CHODL: variants seen among roughly 807,000 people sequenced by gnomAD.
CHODL encodes the protein chondrolectin.
In CHODL, 29 loss-of-function variants were observed where a neutral mutation model predicts 34.5. The observed-to-expected ratio is 0.84, with a 90% CI of 0.63 to 1.15. CHODL has a LOEUF of 1.15. Ranked by LOEUF, CHODL falls within the 50% of genes most tolerant of loss-of-function variation. The probability of loss-of-function intolerance (pLI) is 0.00; values close to 1 mark genes in which losing one functional copy is unlikely to be tolerated. For missense variants in CHODL, 332 were observed against 332.5 expected (o/e 1.00, Z 0.01); for synonymous variants, 125 against 116.1 (o/e 1.08, Z -0.49).
chr21:17,965,312 A>G (rs1010636878), intron 1 of CHODL, among the ~76,000 whole-genome samples: 2 of 152,126 alleles, frequency 1.3e-5, no homozygotes, highest in Admixed American at 1.3e-4. Context: ...ATTAGTTATA[A>G]ATTCAAAATT....
rs189916566 is a variant in CHODL at position 18,091,323 on chromosome 21, G to T, written c.-45+63352G>T. 1.5e-3 allele frequency among the ~76,000 whole-genome samples: 222 copies of T among 152,312 alleles called. 1 individual carries two copies. The highest frequency in any genetic ancestry group is 3.4e-4 in the Non-Finnish European group (23 of 68,022). ...CAATGACTAGGCAACTCAGTGCTAG[G>T]CTGGGCTTAGAGCCAGTGAACTAAG... On this transcript the variant is annotated intron_variant, in intron 2 of 6. Transcript: ENST00000400127.
At chr21:18,143,628 C>T (rs954603298) in intron 2 of CHODL, among the ~76,000 whole-genome samples, 27 of 152,078 alleles carry the variant, frequency 1.8e-4, no homozygotes, top group East Asian at 5.8e-4. Flanking sequence ...ATCTATAAGA[C>T]GGGAGAGTAA....
At chr21:18,069,230 A>C (rs1236116957) in intron 2 of CHODL, among the ~76,000 whole-genome samples, 1 of 152,190 alleles carries the variant, frequency 6.6e-6, no homozygotes, top group Non-Finnish European at 1.5e-5. Context: ...CCTTCTGAGC[A>C]ATGTTGAATA....
At position 17,942,843 on chromosome 21, in the gene CHODL, G is replaced by T. The variant is rs539847306; in HGVS notation, c.-145+25443G>T. ...ATTCCCAGTGTTAGAGGAGGGACCC[G>T]GTAGAAGGTGATTGGATCATGGGGG... On this transcript the variant is annotated intron_variant, in intron 1 of 6. Coordinates refer to the CHODL transcript ENST00000400127. Among the ~76,000 whole-genome samples the T allele has an allele frequency of 8.2e-4, 124 of 152,074 alleles. 1 individual carries two copies. The highest frequency in any genetic ancestry group is 2.9e-3 in the African/African-American group (121 of 41,480).
chr21:17,932,302 A>T (rs138636609), intron 1 of CHODL, among the ~76,000 whole-genome samples: 4 of 152,196 alleles, frequency 2.6e-5, no homozygotes, highest in Non-Finnish European at 5.9e-5. Flanking sequence ...AAACTGAAAA[A>T]CAGCAGATGT....
Position 17,982,885 on chromosome 21 carries a change from C to T in CHODL, c.-144-44987C>T, listed in dbSNP as rs529665529. ...ACCACCCACTCCCTCCAACCCCCCC[C>T]AGCTAATTTTTGTATTTTTAGTAGA... is the stretch of plus-strand genomic sequence containing the variant. On this transcript the variant is annotated intron_variant, in intron 1 of 6. Transcript: ENST00000400127. 1.1e-4 allele frequency among the ~76,000 whole-genome samples: 16 copies of T among 151,566 alleles called. 1 individual carries two copies. In the East Asian group the frequency reaches 2.1e-3, roughly 20 times the overall value.
intron 2 of CHODL, among the ~76,000 whole-genome samples, chr21:18,228,661 A>T (rs915624877): frequency 6.6e-6 from 1 of 152,166 alleles, no homozygotes; most frequent in Non-Finnish European, 1.5e-5. Flanking sequence ...TGTACATCCC[A>T]AAACTCTATT....
chr21:18,152,672 T>C (rs911220757), intron 2 of CHODL, among the ~76,000 whole-genome samples: 1 of 152,190 alleles, frequency 6.6e-6, no homozygotes, highest in African/African-American at 2.4e-5. Context: ...CCAACTCCAG[T>C]TTGCTAAGAT....
intron 1 of CHODL, among the ~76,000 whole-genome samples, chr21:17,979,349 A>G (rs1300629298): frequency 6.6e-6 from 1 of 152,116 alleles, no homozygotes; most frequent in Admixed American, 6.5e-5. Flanking sequence ...ATAATTGTTT[A>G]TCTGTTTTGT....
chr21:17,944,641 T>C (rs1444331524), intron 1 of CHODL, among the ~76,000 whole-genome samples: 2 of 152,182 alleles, frequency 1.3e-5, no homozygotes, highest in African/African-American at 4.8e-5. Context: ...GGGGTATATC[T>C]TGTGGCCAGC....
At chr21:18,106,646 C>G (rs979333574) in intron 2 of CHODL, among the ~76,000 whole-genome samples, 1 of 151,986 alleles carries the variant, frequency 6.6e-6, no homozygotes, top group Non-Finnish European at 1.5e-5. Context: ...AGTTGCCCAC[C>G]ACCACACCTG....
intron 1 of CHODL, among the ~76,000 whole-genome samples, chr21:18,005,287 A>T (rs1358121062): frequency 6.6e-6 from 1 of 152,260 alleles, no homozygotes; most frequent in East Asian, 1.9e-4. Context: ...ATAATTCATA[A>T]GGCTGTTACA....
chr21:18,171,736 G>GTTTTTTTTTTTTTTTTTTTTTTTTTTTT (rs71189587), intron 2 of CHODL, among the ~76,000 whole-genome samples: 1 of 146,498 alleles, frequency 6.8e-6, no homozygotes. Context: ...ATTCTCTTCA[G>GTTTTTTTTTTTTTTTTTTTTTTTTTTTT]TTTTTTTTTT....
At chr21:18,076,621 A>G (rs2064869804) in intron 2 of CHODL, among the ~76,000 whole-genome samples, 1 of 152,220 alleles carries the variant, frequency 6.6e-6, no homozygotes, top group South Asian at 2.1e-4. Context: ...GGGAGAGAAC[A>G]CAAAGGATGT....
chr21:18,194,873 G>A (rs2073564062), intron 2 of CHODL, among the ~76,000 whole-genome samples: 1 of 151,566 alleles, frequency 6.6e-6, no homozygotes, highest in African/African-American at 2.4e-5. Context: ...ACAGCATGTT[G>A]TTTTGAAGTA....
At chr21:17,982,883 C>A (rs182940131) in intron 1 of CHODL, among the ~76,000 whole-genome samples, 4 of 151,616 alleles carry the variant, frequency 2.6e-5, no homozygotes, top group East Asian at 3.9e-4. Flanking sequence ...TCCAACCCCC[C>A]CCAGCTAATT....
chr21:18,047,108 A>T (rs1330902171), intron 2 of CHODL, among the ~76,000 whole-genome samples: 1 of 151,870 alleles, frequency 6.6e-6, no homozygotes, highest in Non-Finnish European at 1.5e-5. Context: ...TTTTGTCCAA[A>T]CTCTACTTTA....
At chr21:18,069,991 T>TCCCTTCCCTC in intron 2 of CHODL, among the ~76,000 whole-genome samples, 1 of 59,128 alleles carries the variant, frequency 1.7e-5, no homozygotes, top group African/African-American at 5.0e-5. Context: ...TTCTTTCCCT[T>TCCCTTCCCTC]CCCTTCCCTT....
chr21:18,215,286 G>T (rs2073814209), intron 2 of CHODL, among the ~76,000 whole-genome samples: 1 of 151,998 alleles, frequency 6.6e-6, no homozygotes, highest in African/African-American at 2.4e-5. Flanking sequence ...GTCCAGGTAG[G>T]GCTAGTCCTC....
Sources: allele counts gnomAD v4.1 joint callset (sites outside exome capture counted in the v4.1 genomes callset), GRCh38; gene constraint gnomAD v4.1.1; transcripts MANE v1.5; gene names NCBI Gene and HGNC (gene_info 2026-07-23, HGNC 2026-07-21).